The following ABLIM1 variants were observed in gnomAD, a reference collection of about 807,000 sequenced individuals.
ABLIM1 encodes the protein actin binding LIM protein 1.
Under a neutral mutation model 107.0 loss-of-function variants are expected in ABLIM1, and 40 were observed. The ratio of observed to expected loss-of-function variants is 0.37; its 90% CI spans 0.29 to 0.49. The LOEUF is 0.49. Ranked by LOEUF, ABLIM1 falls within the 20% of genes least tolerant of loss-of-function variation. The pLI, the probability that ABLIM1 is intolerant of heterozygous loss-of-function variation, is 0.97. For synonymous variants in ABLIM1, 357 were observed against 357.3 expected (o/e 1.00, Z 0.01); for missense variants, 857 against 1,008.5 (o/e 0.85, Z 2.04).
chr10:114,541,740 T>C (rs939827797), intron 6 of ABLIM1, among the ~76,000 whole-genome samples: 10 of 152,212 alleles, frequency 6.6e-5, no homozygotes, highest in Non-Finnish European at 7.3e-5. Flanking sequence ...GAAGCCAATT[T>C]GAGAAGAGGT....
intron 1 of ABLIM1, chr10:114,632,314 C>T (rs754421659): frequency 5.1e-5 from 50 of 985,314 alleles, no homozygotes; most frequent in Non-Finnish European, 5.9e-5. Context: ...GAACGCTGGC[C>T]CCCTCCCACA....
intron 2 of ABLIM1, among the ~76,000 whole-genome samples, chr10:114,596,165 C>A (rs907162371): frequency 1.3e-4 from 20 of 152,166 alleles, no homozygotes; most frequent in Admixed American, 7.9e-4. Flanking sequence ...TTCTATTGCA[C>A]CTGCTACTGC....
chr10:114,704,271 G>GCTCTCT (rs1215619815), intron 1 of ABLIM1, among the ~76,000 whole-genome samples: 1,141 of 40,764 alleles, frequency 0.028, 88 homozygotes, highest in Non-Finnish European at 0.04. Context: ...TCTCTCTCTC[G>GCTCTCT]CTCTCTCTCT....
the ABLIM1 span, among the ~76,000 whole-genome samples, chr10:114,786,813 C>A: frequency 1.3e-5 from 2 of 152,206 alleles, no homozygotes; most frequent in Non-Finnish European, 2.9e-5. Flanking sequence ...GGTGCCCAGG[C>A]TGGAGTGCAG....
chr10:114,608,467 C>G (rs575063064), intron 1 of ABLIM1, among the ~76,000 whole-genome samples: 8 of 152,002 alleles, frequency 5.3e-5, no homozygotes, highest in Middle Eastern at 3.2e-3. Context: ...GTTGGGAGTT[C>G]GTGATCAGCC....
intron 4 of ABLIM1, among the ~76,000 whole-genome samples, chr10:114,551,998 A>G (rs2068119544): frequency 6.6e-6 from 1 of 152,138 alleles, no homozygotes; most frequent in Non-Finnish European, 1.5e-5. Flanking sequence ...AATAAAGGCT[A>G]AGGTTAGGCC....
At chr10:114,626,337 T>C (rs182709617) in intron 1 of ABLIM1, among the ~76,000 whole-genome samples, 273 of 152,296 alleles carry the variant, frequency 1.8e-3, no homozygotes, top group African/African-American at 6.0e-3. Context: ...ATGCCTAACA[T>C]CTGAATGCCT....
At chr10:114,620,934 C>T (rs769337869) in intron 1 of ABLIM1, among the ~76,000 whole-genome samples, 5 of 152,182 alleles carry the variant, frequency 3.3e-5, no homozygotes, top group Admixed American at 6.5e-5. Context: ...AGGTCACCTG[C>T]CTGATTCTCG....
At chr10:114,607,609 T>C (rs1317766933) in intron 1 of ABLIM1, among the ~76,000 whole-genome samples, 1 of 152,230 alleles carries the variant, frequency 6.6e-6, no homozygotes, top group African/African-American at 2.4e-5. Context: ...TATGATGTGA[T>C]GAAAATGGGC....
intron 1 of ABLIM1, among the ~76,000 whole-genome samples, chr10:114,743,398 T>G (rs1407847271): frequency 2.0e-5 from 3 of 152,202 alleles, no homozygotes; most frequent in African/African-American, 7.2e-5. Context: ...GAACCACTTG[T>G]ACTTTTTGGA....
intron 1 of ABLIM1, among the ~76,000 whole-genome samples, chr10:114,682,779 A>G (rs2080801741): frequency 6.6e-6 from 1 of 152,168 alleles, no homozygotes; most frequent in African/African-American, 2.4e-5. Context: ...AGGAAGAGAA[A>G]GAACGTTGTT....
intron 12 of ABLIM1, chr10:114,463,104 G>T: frequency 7.5e-7 from 1 of 1,331,262 alleles, no homozygotes; most frequent in Non-Finnish European, 1.0e-6. Flanking sequence ...GTCGCTGTGG[G>T]TGGGGCTGAG....
the ABLIM1 span, among the ~76,000 whole-genome samples, chr10:114,784,571 G>A: frequency 1.3e-5 from 2 of 148,208 alleles, no homozygotes; most frequent in African/African-American, 5.0e-5. Flanking sequence ...GGAGGCTGAG[G>A]CAGGAGAATT....
chr10:114,620,428 C>T (rs921193749), intron 1 of ABLIM1, among the ~76,000 whole-genome samples: 1 of 151,856 alleles, frequency 6.6e-6, no homozygotes, highest in African/African-American at 2.4e-5. Context: ...TTTTTTTCTT[C>T]AGAAGAAGTC....
intron 2 of ABLIM1, among the ~76,000 whole-genome samples, chr10:114,581,245 A>T (rs2073337355): frequency 6.6e-6 from 1 of 152,248 alleles, no homozygotes; most frequent in Non-Finnish European, 1.5e-5. Flanking sequence ...ATGGAACAGG[A>T]GGGGAACAAA....
intron 1 of ABLIM1, among the ~76,000 whole-genome samples, chr10:114,705,255 C>A (rs540650321): frequency 6.6e-6 from 1 of 152,250 alleles, no homozygotes; most frequent in East Asian, 1.9e-4. Context: ...TTGACTAGAA[C>A]CAACCAGTGT....
At chr10:114,734,217 G>T (rs2082133026) in intron 1 of ABLIM1, among the ~76,000 whole-genome samples, 1 of 152,086 alleles carries the variant, frequency 6.6e-6, no homozygotes. Context: ...TCCTGCCTTT[G>T]TTCCCTGCCC....
intron 4 of ABLIM1, among the ~76,000 whole-genome samples, chr10:114,548,536 C>T (rs755633860): frequency 2.0e-5 from 3 of 152,174 alleles, no homozygotes; most frequent in Non-Finnish European, 4.4e-5. Flanking sequence ...GGTCTCAGCC[C>T]TCTGATGAGG....
intron 2 of ABLIM1, among the ~76,000 whole-genome samples, chr10:114,588,296 G>A (rs1056298897): frequency 6.6e-6 from 1 of 151,912 alleles, no homozygotes; most frequent in African/African-American, 2.4e-5. Flanking sequence ...GGTAAGGGTA[G>A]AGCATGAGTT....
Sources: allele counts gnomAD v4.1 joint callset (sites outside exome capture counted in the v4.1 genomes callset), GRCh38; gene constraint gnomAD v4.1.1; transcripts MANE v1.5; gene names NCBI Gene and HGNC (gene_info 2026-07-23, HGNC 2026-07-21).